The following PDE8A variants were observed in gnomAD, a reference collection of about 807,000 sequenced individuals.
The protein encoded by PDE8A is high affinity cAMP-specific and IBMX-insensitive 3',5'-cyclic phosphodiesterase 8A.
A neutral mutation model predicts 105.0 loss-of-function variants in PDE8A; 59 were observed. The observed-to-expected ratio is 0.56, with a 90% CI of 0.46 to 0.70. The LOEUF is 0.70. Among genes scored for constraint, PDE8A ranks in the 30% least tolerant of loss-of-function variants. The pLI is 0.00. For synonymous variants in PDE8A, 355 were observed against 371.9 expected (o/e 0.95, Z 0.52); for missense variants, 1,014 against 1,045.9 (o/e 0.97, Z 0.42).
rs960433160 is a variant in PDE8A at position 85,119,319 on chromosome 15, A to G, written c.1735-1478A>G. Among the ~76,000 whole-genome samples the G allele has an allele frequency of 3.9e-5, 6 of 152,054 alleles. No individual in the cohort carries two copies. The South Asian group carries it at 1.2e-3, about 32-fold the overall frequency. On this transcript the variant is annotated intron_variant, in intron 17 of 21. Coordinates refer to ENST00000394553, the MANE Select transcript of PDE8A (RefSeq NM_002605.3). ...CACCATCTCTACTAAAAATAGAAAAATTAGCTGGGCATGGTGGTGCAGGCC... is the reference window on the plus strand; with the variant it reads ...CACCATCTCTACTAAAAATAGAAAAGTTAGCTGGGCATGGTGGTGCAGGCC...
chr15:85,060,169 C>G (rs970157471), intron 1 of PDE8A, among the ~76,000 whole-genome samples: 2 of 152,050 alleles, frequency 1.3e-5, no homozygotes, highest in African/African-American at 4.8e-5. Context: ...AAATTCCTTT[C>G]TCATTTCCCT....
At chr15:85,089,268 A>C (rs2081602288) in intron 6 of PDE8A, 70 bp from the exon 7 acceptor site, 3 of 815,148 alleles carry the variant, frequency 3.7e-6, no homozygotes, top group African/African-American at 1.7e-5. Context: ...ACATTTAAAT[A>C]ATGTAATAAC....
At chr15:85,055,227 T>G (rs1247075342) in intron 1 of PDE8A, among the ~76,000 whole-genome samples, 1 of 152,196 alleles carries the variant, frequency 6.6e-6, no homozygotes, top group South Asian at 2.1e-4. Flanking sequence ...GTGCTTTACT[T>G]CCAACTGTGG....
intron 1 of PDE8A, among the ~76,000 whole-genome samples, chr15:85,031,304 C>G (rs1178554409): frequency 1.3e-5 from 2 of 152,174 alleles, no homozygotes; most frequent in African/African-American, 4.8e-5. Flanking sequence ...TTGTCTCTCA[C>G]ATAGCTTGTC....
intron 1 of PDE8A, among the ~76,000 whole-genome samples, chr15:85,049,187 T>C (rs1438956739): frequency 1.3e-5 from 2 of 152,294 alleles, no homozygotes; most frequent in East Asian, 1.9e-4. Context: ...TATGGTAAAA[T>C]ACACATAACG....
At chr15:85,078,700 A>G (rs1021845517) in intron 5 of PDE8A, among the ~76,000 whole-genome samples, 1 of 152,208 alleles carries the variant, frequency 6.6e-6, no homozygotes, top group Non-Finnish European at 1.5e-5. Flanking sequence ...CTCACAAGGA[A>G]ATGCTAAAGG....
At chr15:85,007,090 T>C (rs2080160154) in intron 1 of PDE8A, among the ~76,000 whole-genome samples, 1 of 152,152 alleles carries the variant, frequency 6.6e-6, no homozygotes, top group African/African-American at 2.4e-5. Flanking sequence ...AATTGGAGTT[T>C]TGCATTTCGC....
chr15:85,123,057 A>G lies in PDE8A; in HGVS notation c.1953-4A>G, dbSNP rs189073229. On this transcript the variant is annotated splice_region_variant and splice_polypyrimidine_tract_variant and intron_variant, in intron 18 of 21. Coordinates refer to ENST00000394553, the MANE Select transcript of PDE8A (RefSeq NM_002605.3). ...AGCAGCCTCTAATTTGTCATCGAAA[A>G]CAGGAATGATTATCGGACACTGCGC... 1.2e-4 allele frequency: 201 copies of G among 1,613,234 alleles called. No individual in the cohort carries two copies. The East Asian group carries it at 4.1e-3, about 33-fold the overall frequency.
At chr15:85,085,322 G>A (rs1470006006) in intron 6 of PDE8A, among the ~76,000 whole-genome samples, 2 of 152,192 alleles carry the variant, frequency 1.3e-5, no homozygotes, top group Non-Finnish European at 2.9e-5. Context: ...GAGAAATAGA[G>A]TCTTGTTCTT....
chr15:84,982,390 G>A, intron 1 of PDE8A, 42 bp downstream of exon 1: 2 of 1,259,294 alleles, frequency 1.6e-6, no homozygotes, highest in Non-Finnish European at 1.0e-6. Context: ...CGAAACTCGG[G>A]CCCGGCCAGT....
chr15:85,022,500 C>T (rs1480042264), intron 1 of PDE8A, among the ~76,000 whole-genome samples: 1 of 143,334 alleles, frequency 7.0e-6, no homozygotes, highest in Non-Finnish European at 1.5e-5. Flanking sequence ...CGGCATTTTT[C>T]AGAAGGGGCT....
chr15:85,050,199 A>G (rs1357437801), intron 1 of PDE8A, among the ~76,000 whole-genome samples: 1 of 152,156 alleles, frequency 6.6e-6, no homozygotes, highest in African/African-American at 2.4e-5. Context: ...GGTTCTCTAT[A>G]TATTGTAGAT....
intron 6 of PDE8A, among the ~76,000 whole-genome samples, chr15:85,085,387 T>C (rs528635901): frequency 3.9e-5 from 6 of 152,314 alleles, no homozygotes; most frequent in South Asian, 2.1e-4. Flanking sequence ...TACTGCTAGA[T>C]TGGTAAACTA....
At chr15:84,988,726 T>G (rs2142146502) in intron 1 of PDE8A, among the ~76,000 whole-genome samples, 1 of 152,356 alleles carries the variant, frequency 6.6e-6, no homozygotes, top group Middle Eastern at 3.4e-3. Flanking sequence ...AGCCCTTGGC[T>G]GGCTTGCACT....
intron 8 of PDE8A, 162 bp from the exon 9 acceptor site, chr15:85,097,786 G>T (rs1443308381): frequency 1.7e-6 from 1 of 592,060 alleles, no homozygotes; most frequent in Non-Finnish European, 3.0e-6. Flanking sequence ...GACTTTGGAA[G>T]TTAAGAAAGA....
At chr15:85,016,424 A>C (rs939228112) in intron 1 of PDE8A, among the ~76,000 whole-genome samples, 3 of 152,072 alleles carry the variant, frequency 2.0e-5, no homozygotes, top group Admixed American at 2.0e-4. Flanking sequence ...TCCCAGCACC[A>C]CTTATTTTGT....
rs2082380104 is a variant in PDE8A at position 85,134,755 on chromosome 15, T to G, written c.2254-1779T>G. Among the ~76,000 whole-genome samples, 5 of 152,294 alleles carry G rather than the reference T, an allele frequency of 3.3e-5. No individual in the cohort carries two copies. The Middle Eastern group carries it at 0.017, about 518-fold the overall frequency. Reference sequence around the variant, plus strand: ...CTAGGAAAACCTCCAGAGGTTCGCCTGCTTCTCTCAAGTAGAGAGCCCATA... The same window carrying G: ...CTAGGAAAACCTCCAGAGGTTCGCCGGCTTCTCTCAAGTAGAGAGCCCATA... On this transcript the variant is annotated intron_variant, in intron 20 of 21. Coordinates refer to ENST00000394553, the MANE Select transcript of PDE8A (RefSeq NM_002605.3).
chr15:85,040,374 A>T (rs2080783391), intron 1 of PDE8A, among the ~76,000 whole-genome samples: 1 of 149,216 alleles, frequency 6.7e-6, no homozygotes, highest in South Asian at 2.1e-4. Flanking sequence ...CTTCTCTAAA[A>T]AAAAAAAAAA....
In PDE8A at chr15:85,055,098, T is replaced by C. The variant is rs189561584; in HGVS notation, c.187-9272T>C. ...AGTAGTCATTCGGGAGCAGGTTGTT[T>C]AGTTTCCATGTAGTTGGGTGGTTTT... On this transcript the variant is annotated intron_variant, in intron 1 of 21. Coordinates refer to ENST00000394553, the MANE Select transcript of PDE8A (RefSeq NM_002605.3). Among the ~76,000 whole-genome samples, 60 of 152,306 alleles carry C rather than the reference T, an allele frequency of 3.9e-4. 1 individual carries two copies. In the Middle Eastern group the frequency reaches 0.014, roughly 35 times the overall value.
Sources: gnomAD v4.1 joint callset for allele counts (sites outside exome capture counted in the v4.1 genomes callset) on GRCh38, gnomAD v4.1.1 for gene constraint, MANE v1.5 for transcripts, NCBI Gene and HGNC (gene_info 2026-07-23, HGNC 2026-07-21) for gene names.